Variants in LRRC38 observed in about 807,000 individuals in gnomAD.
The protein encoded by LRRC38 is leucine rich repeat containing 38.
In LRRC38, 5 loss-of-function variants were observed where a neutral mutation model predicts 16.4. The ratio of observed to expected loss-of-function variants is 0.31; its 90% CI spans 0.16 to 0.64. The LOEUF (loss-of-function observed/expected upper bound fraction) is 0.64, where lower values mean the gene tolerates loss of function less well. Among genes scored for constraint, LRRC38 ranks in the 30% least tolerant of loss-of-function variants. The pLI is 0.80. For missense variants in LRRC38, 341 were observed against 401.8 expected (o/e 0.85, Z 1.29); for synonymous variants, 191 against 190.2 (o/e 1.00, Z -0.04).
chr1:13,491,210 G>A (rs1261830693), intron 1 of LRRC38, among the ~76,000 whole-genome samples: 1 of 152,140 alleles, frequency 6.6e-6, no homozygotes, highest in Non-Finnish European at 1.5e-5. Flanking sequence ...GCCATGGAAC[G>A]TCCCACACTG....
chr1:13,483,851 C>T (rs1051167180), intron 1 of LRRC38, among the ~76,000 whole-genome samples: 1 of 147,802 alleles, frequency 6.8e-6, no homozygotes. Flanking sequence ...ACTGAGCCTG[C>T]GTTTGACTCC....
chr1:13,488,518 C>T (rs1384198334), intron 1 of LRRC38, among the ~76,000 whole-genome samples: 1 of 152,036 alleles, frequency 6.6e-6, no homozygotes, highest in African/African-American at 2.4e-5. Flanking sequence ...GATCCACCCA[C>T]CTCGGCCTCC....
At position 13,479,224 on chromosome 1, in the gene LRRC38, C is replaced by T. The variant is rs571563736; in HGVS notation, c.632-3125G>A. 2.0e-5 allele frequency among the ~76,000 whole-genome samples: 3 copies of T among 152,184 alleles called. No individual in the cohort carries two copies. The East Asian group carries it at 5.8e-4, about 29-fold the overall frequency. ...GGAAAAACATCAATCAACCTGCCTC[C>T]TAACAGCCTACCCCGGCCAAAAACG... On this transcript the variant is annotated intron_variant, in intron 1 of 1. Transcript: ENST00000376085.
At chr1:13,494,796 G>A (rs1385679369) in intron 1 of LRRC38, among the ~76,000 whole-genome samples, 1 of 152,210 alleles carries the variant, frequency 6.6e-6, no homozygotes, top group East Asian at 1.9e-4. Context: ...TTTCCTACCT[G>A]AAAATGAAGA....
intron 1 of LRRC38, among the ~76,000 whole-genome samples, chr1:13,481,277 A>T (rs182896476): frequency 7.6e-4 from 115 of 151,918 alleles, no homozygotes; most frequent in Non-Finnish European, 1.4e-3. Flanking sequence ...ATGTCCAGTT[A>T]ATTTTTTTGT....
Position 13,506,467 on chromosome 1 carries a change from CT to C in LRRC38, c.631+6495del, listed in dbSNP as rs937216578. 2.0e-5 allele frequency among the ~76,000 whole-genome samples: 3 copies of C among 151,770 alleles called. No homozygotes were observed. In the South Asian group the frequency reaches 6.3e-4, roughly 32 times the overall value. On this transcript the variant is annotated intron_variant, in intron 1 of 1. Coordinates refer to ENST00000376085, the MANE Select transcript of LRRC38 (RefSeq NM_001010847.2). ...CATTTCTTTTTCTATTTTCTTTTTT[CT>C]TTTTTTTGAGACAGAGTCTCGCTCA...
intron 1 of LRRC38, among the ~76,000 whole-genome samples, chr1:13,481,346 C>G (rs898678095): frequency 1.3e-5 from 2 of 150,654 alleles, no homozygotes; most frequent in African/African-American, 4.9e-5. Flanking sequence ...ATGTGAGACA[C>G]AGCATCTGGC....
chr1:13,483,980 C>T (rs1419957583), intron 1 of LRRC38, among the ~76,000 whole-genome samples: 1 of 151,804 alleles, frequency 6.6e-6, no homozygotes, highest in East Asian at 1.9e-4. Context: ...AGCGAGTACG[C>T]ATGTGTGTGT....
chr1:13,482,712 A>G (rs1488646718), intron 1 of LRRC38, among the ~76,000 whole-genome samples: 1 of 152,046 alleles, frequency 6.6e-6, no homozygotes, highest in Non-Finnish European at 1.5e-5. Flanking sequence ...GGAGGTGACC[A>G]TGGGATCCCT....
rs1321997768 is a variant in LRRC38 at position 13,487,559 on chromosome 1, C to T, written c.632-11460G>A. On this transcript the variant is annotated intron_variant, in intron 1 of 1. Coordinates refer to ENST00000376085, the MANE Select transcript of LRRC38 (RefSeq NM_001010847.2). This position sits in a 1 kb window ranked among gnomAD's most constrained non-coding sequence, Gnocchi z 4.4. ...TTATAACCACGACTTCCTTCTCTTC[C>T]AGGGCACATTCAGAAGAGACAGGCA... Among the ~76,000 whole-genome samples the T allele has an allele frequency of 6.6e-6, 1 of 152,198 alleles. No individual in the cohort carries two copies. Among genetic ancestry groups the T allele is most frequent in the Non-Finnish European group, 1.5e-5 (1 of 68,036 alleles).
intron 1 of LRRC38, among the ~76,000 whole-genome samples, chr1:13,482,595 AAAG>A (rs1475441506): frequency 1.3e-5 from 2 of 151,346 alleles, no homozygotes; most frequent in East Asian, 3.9e-4. Flanking sequence ...AAAAAAAAAA[AAAG>A]AAAGTGCAAC....
At position 13,510,240 on chromosome 1, in the gene LRRC38, T is replaced by C. The variant is rs111569854; in HGVS notation, c.631+2723A>G. Among the ~76,000 whole-genome samples, 219 of 152,262 alleles carry C rather than the reference T, an allele frequency of 1.4e-3. 2 individuals carry two copies. The highest frequency in any genetic ancestry group is 2.4e-3 in the Non-Finnish European group (161 of 68,000). On this transcript the variant is annotated intron_variant, in intron 1 of 1. Coordinates refer to ENST00000376085, the MANE Select transcript of LRRC38 (RefSeq NM_001010847.2). Reference sequence around the variant, plus strand: ...GAAAGCCCTGGACCTTGTACCCTCATGGAGCCTGGTTTTCTCCGGCAGGAA... The same window carrying C: ...GAAAGCCCTGGACCTTGTACCCTCACGGAGCCTGGTTTTCTCCGGCAGGAA...
intron 1 of LRRC38, among the ~76,000 whole-genome samples, chr1:13,500,296 A>G (rs1639133544): frequency 6.6e-6 from 1 of 152,032 alleles, no homozygotes; most frequent in African/African-American, 2.4e-5. Flanking sequence ...AAGAAAAGAA[A>G]AAAGCTACAT....
intron 1 of LRRC38, among the ~76,000 whole-genome samples, chr1:13,485,413 TA>T (rs1208448352): frequency 1.3e-5 from 2 of 151,614 alleles, no homozygotes; most frequent in South Asian, 4.2e-4. Context: ...CTGTCTCTAC[TA>T]AAATACAAAA....
intron 1 of LRRC38, 42 bp downstream of exon 1, chr1:13,512,921 G>GCCCCCCAGCC: frequency 1.6e-6 from 2 of 1,246,170 alleles, no homozygotes; most frequent in Admixed American, 2.3e-5. Flanking sequence ...GCCTCTCCCT[G>GCCCCCCAGCC]CCCCCCTCCC....
intron 1 of LRRC38, among the ~76,000 whole-genome samples, chr1:13,503,261 T>A (rs911481092): frequency 7.2e-6 from 1 of 138,174 alleles, no homozygotes; most frequent in African/African-American, 3.5e-5. Flanking sequence ...ATTTATTTAT[T>A]TTGTTTTTAT....
intron 1 of LRRC38, among the ~76,000 whole-genome samples, chr1:13,507,048 T>C (rs1354753217): frequency 6.6e-6 from 1 of 152,242 alleles, no homozygotes; most frequent in Non-Finnish European, 1.5e-5. Context: ...AGTTCACTGG[T>C]AGAGTAACTG....
At chr1:13,489,716 C>T (rs1638985120) in intron 1 of LRRC38, among the ~76,000 whole-genome samples, 1 of 152,198 alleles carries the variant, frequency 6.6e-6, no homozygotes, top group Non-Finnish European at 1.5e-5. Flanking sequence ...GTGCCAGGAA[C>T]ACCAGCTTTA....
intron 1 of LRRC38, among the ~76,000 whole-genome samples, chr1:13,481,641 C>T (rs1223620672): frequency 2.6e-5 from 4 of 151,140 alleles, no homozygotes; most frequent in South Asian, 2.1e-4. Flanking sequence ...GTGATCCGCC[C>T]GCCTTGGCCT....
Sources: gnomAD v4.1 joint callset for allele counts (sites outside exome capture counted in the v4.1 genomes callset) on GRCh38, gnomAD v4.1.1 for gene constraint, Gnocchi (gnomAD v3.1) non-coding constraint, MANE v1.5 for transcripts, NCBI Gene and HGNC (gene_info 2026-07-23, HGNC 2026-07-21) for gene names.